Variants in ZCWPW2 observed in about 807,000 individuals in gnomAD.
ZCWPW2 encodes the protein zinc finger CW-type and PWWP domain containing 2.
ZCWPW2 carries 45 observed loss-of-function variants against 46.6 expected under a neutral mutation model. That is an observed-to-expected ratio of 0.96 (90% CI 0.76 to 1.24). The LOEUF (loss-of-function observed/expected upper bound fraction) is 1.24. Ranked by LOEUF, ZCWPW2 falls within the 50% of genes most tolerant of loss-of-function variation. The pLI, the probability that ZCWPW2 is intolerant of heterozygous loss-of-function variation, is 0.00. For missense variants in ZCWPW2, 429 were observed against 403.9 expected, an observed-to-expected ratio of 1.06 and a Z score of -0.53; for synonymous variants, 152 against 137.1, an observed-to-expected ratio of 1.11 and a Z score of -0.76.
chr3:28,393,223 A>G (rs1044748409), intron 2 of ZCWPW2, among the ~76,000 whole-genome samples: 1 of 152,160 alleles, frequency 6.6e-6, no homozygotes, highest in African/African-American at 2.4e-5. Context: ...TCCTAGAATT[A>G]TGTAACCTAC....
intron 2 of ZCWPW2, among the ~76,000 whole-genome samples, chr3:28,402,062 A>G (rs1195319127): frequency 6.6e-6 from 1 of 151,786 alleles, no homozygotes; most frequent in Non-Finnish European, 1.5e-5. Context: ...AAAGGAAACA[A>G]CCAAGATCAG....
At chr3:28,500,809 A>C (rs1167854863) in intron 6 of ZCWPW2, among the ~76,000 whole-genome samples, 1 of 152,164 alleles carries the variant, frequency 6.6e-6, no homozygotes, top group Middle Eastern at 3.2e-3. Context: ...CCAGAAGATA[A>C]ATATATTATA....
intron 5 of ZCWPW2, among the ~76,000 whole-genome samples, chr3:28,487,621 G>T (rs1225791738): frequency 6.6e-6 from 1 of 152,036 alleles, no homozygotes; most frequent in African/African-American, 2.4e-5. Flanking sequence ...CCTGCTGCTT[G>T]CTCTGTCTCT....
intron 3 of ZCWPW2, among the ~76,000 whole-genome samples, chr3:28,417,288 A>G (rs1414057420): frequency 6.6e-6 from 1 of 152,114 alleles, no homozygotes; most frequent in Admixed American, 6.6e-5. Context: ...ATTCCTTGAC[A>G]CATACACCCT....
chr3:28,447,972 T>C (rs62250272), intron 4 of ZCWPW2: 124,284 of 568,018 alleles, frequency 0.22, 15,692 homozygotes, highest in Middle Eastern at 0.28. Flanking sequence ...TTTCCATGTG[T>C]GCTAAATGTT....
intron 1 of ZCWPW2, among the ~76,000 whole-genome samples, chr3:28,370,974 C>T (rs559923217): frequency 1.2e-4 from 19 of 152,160 alleles, no homozygotes; most frequent in African/African-American, 3.4e-4. Flanking sequence ...TCAGGTGATC[C>T]GCCTGCCTCA....
At position 28,425,431 on chromosome 3, in the gene ZCWPW2, A is replaced by G. The variant is rs367833042; in HGVS notation, c.333-9679A>G. On this transcript the variant is annotated intron_variant, in intron 3 of 9. Coordinates refer to ENST00000383768, the MANE Select transcript of ZCWPW2 (RefSeq NM_001040432.4). ...TAGCATTAACCAACTAGAAACAAAT[A>G]TTAGATCTTAATTAAGCAAAGCCAT... 2.3e-3 allele frequency among the ~76,000 whole-genome samples: 354 copies of G among 152,352 alleles called. 3 individuals carry two copies. The highest frequency in any genetic ancestry group is 0.01 in the South Asian group (49 of 4,830).
intron 6 of ZCWPW2, among the ~76,000 whole-genome samples, chr3:28,506,400 A>G (rs1398930634): frequency 6.6e-6 from 1 of 152,006 alleles, no homozygotes; most frequent in African/African-American, 2.4e-5. Flanking sequence ...ATTTCTATCA[A>G]GCTAATTCTG....
At chr3:28,448,078 A>G in intron 4 of ZCWPW2, 2 of 256,358 alleles carry the variant, frequency 7.8e-6, no homozygotes, top group Non-Finnish European at 1.5e-5. Context: ...AGCTAAATAA[A>G]AAATGAAGCT....
chr3:28,503,284 T>G (rs1035394101), intron 6 of ZCWPW2, among the ~76,000 whole-genome samples: 46 of 152,146 alleles, frequency 3.0e-4, no homozygotes, highest in African/African-American at 1.1e-3. Context: ...AGCTGCCAGA[T>G]GTTGTCCTTT....
chr3:28,440,519 A>G (rs924280598), intron 4 of ZCWPW2, among the ~76,000 whole-genome samples: 4 of 152,202 alleles, frequency 2.6e-5, no homozygotes, highest in African/African-American at 4.8e-5. Context: ...GATTCAGAAC[A>G]TATGCAGCCT....
intron 1 of ZCWPW2, among the ~76,000 whole-genome samples, chr3:28,374,604 G>A (rs1329488884): frequency 6.6e-6 from 1 of 152,090 alleles, no homozygotes; most frequent in African/African-American, 2.4e-5. Flanking sequence ...TGCAAACTAT[G>A]AGTATGGGAT....
At chr3:28,384,614 CTTT>C (rs1172954946) in intron 1 of ZCWPW2, among the ~76,000 whole-genome samples, 2 of 139,392 alleles carry the variant, frequency 1.4e-5, no homozygotes. Flanking sequence ...ATCTTTCTTT[CTTT>C]TTTTTTTTTT....
chr3:28,420,662 T>C (rs1477431917), intron 3 of ZCWPW2, among the ~76,000 whole-genome samples: 11 of 152,108 alleles, frequency 7.2e-5, no homozygotes, highest in African/African-American at 2.4e-4. Context: ...TTTTGATCTT[T>C]GTAAGGCCAT....
At chr3:28,403,738 C>T (rs903662580) in intron 2 of ZCWPW2, among the ~76,000 whole-genome samples, 2 of 151,938 alleles carry the variant, frequency 1.3e-5, no homozygotes, top group Non-Finnish European at 2.9e-5. Flanking sequence ...AGAAATAAAC[C>T]CAAATACTTA....
chr3:28,473,400 G>A (rs144049535), intron 4 of ZCWPW2, among the ~76,000 whole-genome samples: 16 of 152,100 alleles, frequency 1.1e-4, no homozygotes, highest in African/African-American at 3.1e-4. Context: ...GCTTAAACCC[G>A]GGAGGCAGAG....
intron 4 of ZCWPW2, among the ~76,000 whole-genome samples, chr3:28,445,359 A>T (rs958095291): frequency 6.6e-6 from 1 of 152,106 alleles, no homozygotes; most frequent in South Asian, 2.1e-4. Flanking sequence ...TTATTAGTTT[A>T]TATTTTTGGG....
At chr3:28,504,508 A>C (rs762031532) in intron 6 of ZCWPW2, among the ~76,000 whole-genome samples, 8 of 152,156 alleles carry the variant, frequency 5.3e-5, no homozygotes, top group Admixed American at 6.6e-5. Flanking sequence ...TTATAAAACA[A>C]ATAATGAAAC....
At chr3:28,459,202 C>T (rs1400346102) in intron 4 of ZCWPW2, among the ~76,000 whole-genome samples, 1 of 151,952 alleles carries the variant, frequency 6.6e-6, no homozygotes, top group East Asian at 1.9e-4. Flanking sequence ...AACCCTGTCT[C>T]CACTAAAAAT....
Sources: allele counts gnomAD v4.1 joint callset (sites outside exome capture counted in the v4.1 genomes callset), GRCh38; gene constraint gnomAD v4.1.1; transcripts MANE v1.5; gene names NCBI Gene and HGNC (gene_info 2026-07-23, HGNC 2026-07-21).